The following BAZ1B variants were observed in gnomAD, a reference collection of about 807,000 sequenced individuals.
The protein encoded by BAZ1B is bromodomain adjacent to zinc finger domain 1B, also known as tyrosine-protein kinase BAZ1B.
In BAZ1B, 22 loss-of-function variants were observed where a neutral mutation model predicts 153.8. The observed-to-expected ratio is 0.14, with a 90% CI of 0.10 to 0.20. The LOEUF is 0.20. Ranked by LOEUF, BAZ1B falls within the 10% of genes least tolerant of loss-of-function variation. The pLI, the probability that BAZ1B is intolerant of heterozygous loss-of-function variation, is 1.00. For missense variants in BAZ1B, 1,325 were observed against 1,799.3 expected (o/e 0.74, Z 4.77); for synonymous variants, 676 against 633.4 (o/e 1.07, Z -1.01).
intron 6 of BAZ1B, among the ~76,000 whole-genome samples, chr7:73,483,554 A>AT (rs150109701): frequency 1.3e-5 from 2 of 151,942 alleles, no homozygotes; most frequent in Admixed American, 6.6e-5. Context: ...CTTACTTTTC[A>AT]TTTTTTTTCT....
At chr7:73,496,084 T>A (rs1346125978) in intron 4 of BAZ1B, among the ~76,000 whole-genome samples, 16 of 152,292 alleles carry the variant, frequency 1.1e-4, no homozygotes, top group African/African-American at 3.8e-4. Flanking sequence ...TTTTGACAAT[T>A]AAGAGGACAC....
rs1354195471 is a variant in BAZ1B at position 73,522,049 on chromosome 7, G to A, written c.-116C>T. ...CGGGGGTGGGGTGGGGGAAGGGAGG[G>A]GTGAGAGGGCGGCGCGAACTCCGGC... On this transcript the variant is annotated 5_prime_UTR_variant, in exon 1 of 20. Coordinates refer to ENST00000339594, the MANE Select transcript of BAZ1B (RefSeq NM_032408.4). The A allele has an allele frequency of 9.2e-5, 60 of 649,206 alleles. 1 individual carries two copies. In the East Asian group the frequency reaches 1.6e-3, roughly 17 times the overall value. The allele number at this position is 649,206 out of a possible 1,614,324, so 40.2% of individuals were successfully genotyped here. A position where few individuals can be genotyped will look rare whatever the true frequency, so the allele number is the denominator to read the frequency against.
At chr7:73,519,509 T>A (rs1554579791) in intron 1 of BAZ1B, among the ~76,000 whole-genome samples, 1 of 152,206 alleles carries the variant, frequency 6.6e-6, no homozygotes, top group African/African-American at 2.4e-5. Context: ...ACTTCTTTTG[T>A]TAAAACAGTT....
At chr7:73,491,153 G>A (rs1554575416) in intron 5 of BAZ1B, among the ~76,000 whole-genome samples, 1 of 151,948 alleles carries the variant, frequency 6.6e-6, no homozygotes, top group Non-Finnish European at 1.5e-5. Context: ...GGGCACGGTG[G>A]CGGGCACCTG....
At position 73,477,435 on chromosome 7, in the gene BAZ1B, T is replaced by C; in HGVS notation, c.2026A>G (p.Met676Val). The C allele has an allele frequency of 6.2e-7, 1 of 1,614,232 alleles. No homozygotes were observed. The highest frequency in any genetic ancestry group is 8.5e-7 in the Non-Finnish European group (1 of 1,180,034). The stretch of plus-strand genomic sequence containing the variant: ...GTCAAGGGGATTTCCGACAGCTTCA[T>C]TCCCAATTCACCATAGTCTTCTGCT... The part of the protein sequence containing the change: ...EIAEDYGELG[M>V]KLSEIPLTLH... The change falls in exon 7 of 20, where the codon ATG becomes GTG. Residue 676 changes from methionine to valine, a missense_variant. By Grantham distance (21) the Met-to-Val change is conservative. Around this residue, in one of 9 missense-constraint regions of BAZ1B, gnomAD observed 154 missense variants for 266.3 expected, o/e 0.58. Coordinates refer to ENST00000339594, the MANE Select transcript of BAZ1B (RefSeq NM_032408.4). The surrounding 1 kb of genome is among the most constrained non-coding windows in gnomAD (Gnocchi z 5.6).
intron 11 of BAZ1B, among the ~76,000 whole-genome samples, chr7:73,463,572 G>A (rs1173876131): frequency 1.3e-5 from 2 of 151,944 alleles, no homozygotes; most frequent in Non-Finnish European, 2.9e-5. Context: ...GGAAGGATTC[G>A]ATCTTCATAT....
At chr7:73,449,175 G>T (rs1787941920) in intron 15 of BAZ1B, among the ~76,000 whole-genome samples, 2 of 152,184 alleles carry the variant, frequency 1.3e-5, no homozygotes, top group Non-Finnish European at 2.9e-5. Flanking sequence ...AAAACATTAT[G>T]TATCGGTAAG....
At chr7:73,503,934 T>C (rs782110673) in intron 3 of BAZ1B, among the ~76,000 whole-genome samples, 3 of 152,114 alleles carry the variant, frequency 2.0e-5, no homozygotes, top group Non-Finnish European at 4.4e-5. Flanking sequence ...GGAGGATGGT[T>C]ACAGTTACAG....
chr7:73,465,581 A>C, intron 10 of BAZ1B, 44 bp from the exon 11 acceptor site: 1 of 1,370,978 alleles, frequency 7.3e-7, no homozygotes, highest in South Asian at 1.3e-5. Context: ...AAAAAAAAAA[A>C]AATTCAAAAT....
intron 1 of BAZ1B, among the ~76,000 whole-genome samples, chr7:73,514,867 G>C (rs1346901007): frequency 2.0e-5 from 3 of 151,818 alleles, no homozygotes; most frequent in African/African-American, 7.3e-5. Flanking sequence ...GGATCACGAG[G>C]TTAGGAGTTC....
intron 15 of BAZ1B, 147 bp downstream of exon 15, chr7:73,449,395 T>C: frequency 1.1e-6 from 1 of 936,534 alleles, no homozygotes; most frequent in Non-Finnish European, 1.5e-6. Context: ...TTTGAGCTCC[T>C]ATTGAAGTAC....
intron 4 of BAZ1B, among the ~76,000 whole-genome samples, chr7:73,496,868 G>A (rs548881505): frequency 1.3e-5 from 2 of 151,886 alleles, no homozygotes; most frequent in South Asian, 2.1e-4. Flanking sequence ...GGCACAGTGC[G>A]TCATACCTGT....
intron 4 of BAZ1B, 135 bp downstream of exon 4, chr7:73,498,362 A>G (rs931455309): frequency 1.9e-4 from 153 of 814,118 alleles, no homozygotes; most frequent in Admixed American, 7.7e-4. Flanking sequence ...TAGTTGTTCT[A>G]TGAATCATAA....
At chr7:73,520,362 T>C (rs1261014345) in intron 1 of BAZ1B, among the ~76,000 whole-genome samples, 2 of 152,014 alleles carry the variant, frequency 1.3e-5, no homozygotes, top group African/African-American at 2.4e-5. Context: ...CCTTATACCA[T>C]AATGACAAAA....
chr7:73,486,513 A>G (rs1335167775), intron 6 of BAZ1B, among the ~76,000 whole-genome samples: 1 of 152,046 alleles, frequency 6.6e-6, no homozygotes, highest in Non-Finnish European at 1.5e-5. Context: ...TTTTTAGTAG[A>G]GACGGGGTTT....
chr7:73,447,166 GCAAGCCGGCCACACTACCTACTGC>G lies in BAZ1B; in HGVS notation c.3844+74_3844+97del, dbSNP rs1450485892. On this transcript the variant is annotated intron_variant, in intron 16 of 19. Coordinates refer to ENST00000339594, the MANE Select transcript of BAZ1B (RefSeq NM_032408.4). ...CACAACACAAGAGAAAAGGAATAGG[GCAAGCCGGCCACACTACCTACTGC>G]CAAGCCAGCCTTTCCAAGCGTTCCA... 23 of 1,603,328 alleles carry G rather than the reference GCAAGCCGGCCACACTACCTACTGC, an allele frequency of 1.4e-5. No homozygotes were observed. In the African/African-American group the frequency reaches 2.8e-4, roughly 20 times the overall value.
chr7:73,486,540 A>G (rs1232853084), intron 6 of BAZ1B, among the ~76,000 whole-genome samples: 2 of 151,928 alleles, frequency 1.3e-5, no homozygotes, highest in Non-Finnish European at 2.9e-5. Context: ...GTCAGCCAGG[A>G]TGGTCTCGAT....
Position 73,448,403 on chromosome 7 carries a change from G to A in BAZ1B, c.3729-1024C>T, listed in dbSNP as rs142526256. Among the ~76,000 whole-genome samples the A allele has an allele frequency of 2.5e-3, 374 of 152,290 alleles. 1 individual carries two copies. Among genetic ancestry groups the A allele is most frequent in the Middle Eastern group, 0.014 (4 of 294 alleles). On this transcript the variant is annotated intron_variant, in intron 15 of 19. Coordinates refer to ENST00000339594, the MANE Select transcript of BAZ1B (RefSeq NM_032408.4). Reference sequence around the variant, plus strand: ...AGTATTATCTTGGCAAGTACAAGGTGTCTCCTCTTTACAAGGCCCGGTATT... The same window carrying A: ...AGTATTATCTTGGCAAGTACAAGGTATCTCCTCTTTACAAGGCCCGGTATT...
intron 13 of BAZ1B, 116 bp downstream of exon 13, chr7:73,459,420 A>C: frequency 9.3e-7 from 1 of 1,077,398 alleles, no homozygotes; most frequent in African/African-American, 1.6e-5. Context: ...CACACACAAA[A>C]ACACTCACTC....
Sources: allele counts gnomAD v4.1 joint callset (sites outside exome capture counted in the v4.1 genomes callset), GRCh38; gene constraint gnomAD v4.1.1; regional missense constraint gnomAD v4.1.1; non-coding constraint Gnocchi (gnomAD v3.1); transcripts MANE v1.5; gene names NCBI Gene and HGNC (gene_info 2026-07-23, HGNC 2026-07-21).